KIAA1958: variants seen among roughly 807,000 people sequenced by gnomAD.
The protein encoded by KIAA1958 is uncharacterized protein KIAA1958.
KIAA1958 carries 14 observed loss-of-function variants against 47.2 expected under a neutral mutation model. That is an observed-to-expected ratio of 0.30 (90% confidence interval 0.20 to 0.46). KIAA1958 has a LOEUF of 0.46. Among genes scored for constraint, KIAA1958 ranks in the 20% least tolerant of loss-of-function variants. KIAA1958 has a pLI of 1.00. For missense variants in KIAA1958, 803 were observed against 909.2 expected (o/e 0.88, Z 1.50); for synonymous variants, 354 against 353.3 (o/e 1.00, Z -0.02).
chr9:112,656,372 CAAAAAAAAAAAA>C (rs35967386), intron 3 of KIAA1958, among the ~76,000 whole-genome samples: 5 of 57,838 alleles, frequency 8.6e-5, no homozygotes, highest in Admixed American at 2.5e-4. Context: ...GACTCTGTCT[CAAAAAAAAAAAA>C]AAAAAAAAAA....
At chr9:112,590,234 C>G (rs1754913674) in intron 2 of KIAA1958, among the ~76,000 whole-genome samples, 1 of 152,162 alleles carries the variant, frequency 6.6e-6, no homozygotes. Flanking sequence ...CAGTTCAAGG[C>G]TACAGTTTCA....
intron 1 of KIAA1958, among the ~76,000 whole-genome samples, chr9:112,516,739 A>G (rs1834442672): frequency 6.6e-6 from 1 of 152,218 alleles, no homozygotes; most frequent in Non-Finnish European, 1.5e-5. Context: ...TGCTACTGGT[A>G]TAAGAATTGT....
chr9:112,636,431 A>G (rs920495081), intron 2 of KIAA1958, among the ~76,000 whole-genome samples: 2 of 152,072 alleles, frequency 1.3e-5, no homozygotes, highest in Admixed American at 6.5e-5. Context: ...ATCTATATCT[A>G]TACTGTTGTT....
intron 1 of KIAA1958, among the ~76,000 whole-genome samples, chr9:112,512,420 G>GA (rs201804068): frequency 1.9e-3 from 276 of 149,132 alleles, no homozygotes; most frequent in African/African-American, 5.1e-3. Context: ...TGCTGTAAAT[G>GA]AAAAAAAAAT....
At chr9:112,512,185 C>A (rs1171011639) in intron 1 of KIAA1958, among the ~76,000 whole-genome samples, 1 of 152,052 alleles carries the variant, frequency 6.6e-6, no homozygotes, top group Non-Finnish European at 1.5e-5. Context: ...GTATAGGCAC[C>A]ATAACCAGGC....
At chr9:112,495,967 T>TG (rs1269393842) in intron 1 of KIAA1958, among the ~76,000 whole-genome samples, 5 of 152,278 alleles carry the variant, frequency 3.3e-5, no homozygotes, top group African/African-American at 1.2e-4. Flanking sequence ...GCCCAGCCAA[T>TG]GACCAGTACT....
intron 2 of KIAA1958, among the ~76,000 whole-genome samples, chr9:112,637,305 A>AT (rs1836819470): frequency 2.0e-5 from 3 of 151,984 alleles, no homozygotes; most frequent in African/African-American, 4.8e-5. Flanking sequence ...ATCTGTCTTT[A>AT]TTTTTTAGCG....
At chr9:112,581,221 G>A (rs1029656572) in intron 2 of KIAA1958, among the ~76,000 whole-genome samples, 2 of 152,102 alleles carry the variant, frequency 1.3e-5, no homozygotes, top group Non-Finnish European at 1.5e-5. Context: ...TGCCTGTCAG[G>A]GTTATTGTGA....
At position 112,661,395 on chromosome 9, in the gene KIAA1958, T is replaced by A. The variant is rs1405531835; in HGVS notation, c.*1326T>A. 4 of 152,164 alleles carry A rather than the reference T, an allele frequency of 2.6e-5. No individual in the cohort carries two copies. The highest frequency in any genetic ancestry group is 5.9e-5 in the Non-Finnish European group (4 of 68,022). 9.4% of individuals were successfully genotyped at this position (152,164 alleles called of 1,614,324 possible). On this transcript the variant is annotated 3_prime_UTR_variant, in exon 4 of 4. Transcript: ENST00000337530. ...AAAGAGTGCTCATTAAGAGTAACAA[T>A]AATTTCTAGGGACCTTGACTTTGCA...
intron 1 of KIAA1958, among the ~76,000 whole-genome samples, chr9:112,490,352 CT>C (rs1564146561): frequency 6.6e-6 from 1 of 152,104 alleles, no homozygotes; most frequent in Admixed American, 6.5e-5. Flanking sequence ...CCACAGGTTT[CT>C]TTTTTTCCTT....
At chr9:112,525,139 G>T (rs1834618929) in intron 1 of KIAA1958, among the ~76,000 whole-genome samples, 1 of 152,114 alleles carries the variant, frequency 6.6e-6, no homozygotes, top group African/African-American at 2.4e-5. Flanking sequence ...CATTTCCCCA[G>T]AATTCCCTCC....
rs117234420 is a variant in KIAA1958, at chr9:112,516,536, T to G, written c.-25+29418T>G. On this transcript the variant is annotated intron_variant, in intron 1 of 3. Transcript: ENST00000337530. ...TTAAGATTGATAGTTTTCCTCAACTTGATCTGTAGTTTCATTGCAATCTCA... is the reference window on the plus strand; with the variant it reads ...TTAAGATTGATAGTTTTCCTCAACTGGATCTGTAGTTTCATTGCAATCTCA... Among the ~76,000 whole-genome samples, 7 of 152,350 alleles carry G rather than the reference T, an allele frequency of 4.6e-5. No homozygotes were observed. The East Asian group carries it at 1.3e-3, about 29-fold the overall frequency.
At chr9:112,522,314 A>G (rs1834559980) in intron 1 of KIAA1958, among the ~76,000 whole-genome samples, 1 of 152,170 alleles carries the variant, frequency 6.6e-6, no homozygotes, top group African/African-American at 2.4e-5. Context: ...CACCTTTGCT[A>G]TCCTCTAGTA....
chr9:112,501,146 A>G (rs1264602998), intron 1 of KIAA1958, among the ~76,000 whole-genome samples: 1 of 151,256 alleles, frequency 6.6e-6, no homozygotes, highest in African/African-American at 2.4e-5. Flanking sequence ...AACTCAAAAA[A>G]CTTTTTTTTT....
intron 2 of KIAA1958, chr9:112,617,970 C>T (rs748671403): frequency 6.4e-7 from 1 of 1,550,518 alleles, no homozygotes; most frequent in Non-Finnish European, 8.7e-7. Flanking sequence ...TTCCTCATCT[C>T]CAAGTATCCT....
chr9:112,528,782 G>A (rs995994657), intron 1 of KIAA1958, among the ~76,000 whole-genome samples: 2 of 152,174 alleles, frequency 1.3e-5, no homozygotes, highest in Middle Eastern at 3.2e-3. Context: ...GCCTCCTAAG[G>A]TGCTGGGATC....
intron 2 of KIAA1958, among the ~76,000 whole-genome samples, chr9:112,626,721 C>A (rs534946592): frequency 6.6e-6 from 1 of 151,630 alleles, no homozygotes; most frequent in African/African-American, 2.4e-5. Flanking sequence ...CTCAGATTAA[C>A]TTTATCTAAC....
At chr9:112,657,268 T>C (rs936871556) in intron 3 of KIAA1958, among the ~76,000 whole-genome samples, 5 of 151,812 alleles carry the variant, frequency 3.3e-5, no homozygotes, top group African/African-American at 1.2e-4. Flanking sequence ...AATTTTTGTA[T>C]TTTTTTAGTA....
chr9:112,645,923 C>T, intron 3 of KIAA1958, 101 bp downstream of exon 3: 1 of 926,472 alleles, frequency 1.1e-6, no homozygotes, highest in Non-Finnish European at 1.5e-6. Flanking sequence ...CGGTGGCTTT[C>T]TGCCTGGGGA....
Sources: allele counts gnomAD v4.1 joint callset (sites outside exome capture counted in the v4.1 genomes callset), GRCh38; gene constraint gnomAD v4.1.1; transcripts MANE v1.5; gene names NCBI Gene and HGNC (gene_info 2026-07-23, HGNC 2026-07-21).